The following PRADC1 variants were observed in gnomAD, a reference collection of about 807,000 sequenced individuals.
PRADC1 encodes the protein protease-associated domain-containing protein 1.
A neutral mutation model predicts 22.9 loss-of-function variants in PRADC1; 23 were observed. The ratio of observed to expected loss-of-function variants is 1.00; its 90% CI spans 0.72 to 1.42. The LOEUF (loss-of-function observed/expected upper bound fraction) is 1.42. Among genes scored for constraint, PRADC1 ranks in the 40% most tolerant of loss-of-function variants. The pLI is 0.00. For synonymous variants in PRADC1, 71 were observed against 100.3 expected (o/e 0.71, Z 1.75); for missense variants, 207 against 258.3 (o/e 0.80, Z 1.36).
intron 1 of PRADC1, 21 bp downstream of exon 1, chr2:73,233,073 G>C: frequency 1.3e-6 from 2 of 1,535,686 alleles, no homozygotes; most frequent in African/African-American, 2.8e-5. Flanking sequence ...CTGCAACGCA[G>C]TCCCACCCGT....
At chr2:73,229,440 T>C (rs1168653775) in intron 3 of PRADC1, 21 bp downstream of exon 3, 1 of 1,536,962 alleles carries the variant, frequency 6.5e-7, no homozygotes, top group East Asian at 2.2e-5. Flanking sequence ...ACTCCTCGTG[T>C]CCTGCCTGCC....
chr2:73,229,457 T>TCGTGTCCTGCCTGCCCACTCCC lies in PRADC1; in HGVS notation c.278+3_278+4insGGGAGTGGGCAGGCAGGACACG. On this transcript the variant is annotated splice_donor_region_variant and intron_variant, in intron 3 of 4. Coordinates refer to ENST00000258083, the MANE Select transcript of PRADC1 (RefSeq NM_032319.3). Reference sequence around the variant, plus strand: ...TCCTCGTGTCCTGCCTGCCCACTCCTTACCCCCTCTCCACCAGAGCAATCT... The same window carrying TCGTGTCCTGCCTGCCCACTCCC: ...TCCTCGTGTCCTGCCTGCCCACTCCTCGTGTCCTGCCTGCCCACTCCCTACCCCCTCTCCACCAGAGCAATCT... 6.2e-7 allele frequency: 1 copy of TCGTGTCCTGCCTGCCCACTCCC among 1,608,454 alleles called. No homozygotes were observed. Among genetic ancestry groups the TCGTGTCCTGCCTGCCCACTCCC allele is most frequent in the Non-Finnish European group, 8.5e-7 (1 of 1,174,824 alleles).
At position 73,233,157 on chromosome 2, in the gene PRADC1, C is replaced by T. The variant is rs754055249; in HGVS notation, c.4G>A (p.Val2Ile). 2.1e-6 allele frequency: 3 copies of T among 1,416,418 alleles called. No homozygotes were observed. Among genetic ancestry groups the T allele is most frequent in the Admixed American group, 3.0e-5 (1 of 33,034 alleles). 87.7% of individuals were successfully genotyped at this position (1,416,418 alleles called of 1,614,324 possible). A position where few individuals can be genotyped will look rare whatever the true frequency, so the allele number is the denominator to read the frequency against. Residue 2 changes from valine to isoleucine, a missense_variant, in exon 1 of 5, where the codon GTC becomes ATC. Val to Ile is a conservative substitution (Grantham distance 29). Coordinates refer to ENST00000258083, the MANE Select transcript of PRADC1 (RefSeq NM_032319.3). M[V>I]PGAAGWCCLV... Reference sequence around the variant, plus strand: ...CAACACCAGCCCGCGGCGCCGGGGACCATCTCCAGGGCCGGGCCCGGCCCG... The same window carrying T: ...CAACACCAGCCCGCGGCGCCGGGGATCATCTCCAGGGCCGGGCCCGGCCCG...
At chr2:73,230,431 C>T (rs145876696) in intron 1 of PRADC1, among the ~76,000 whole-genome samples, 36 of 152,356 alleles carry the variant, frequency 2.4e-4, no homozygotes, top group African/African-American at 7.7e-4. Context: ...AGGCTTATAT[C>T]AGCTGCTGCT....
At chr2:73,229,215 G>A (rs1305728848) in intron 3 of PRADC1, among the ~76,000 whole-genome samples, 3 of 151,818 alleles carry the variant, frequency 2.0e-5, no homozygotes, top group Non-Finnish European at 2.9e-5. Context: ...CTTAACATGC[G>A]GTCAAGCAAT....
chr2:73,228,719 G>C lies in PRADC1; in HGVS notation c.446+76C>G. 6 of 1,583,590 alleles carry C rather than the reference G, an allele frequency of 3.8e-6. No homozygotes were observed. The highest frequency in any genetic ancestry group is 5.2e-6 in the Non-Finnish European group (6 of 1,161,152). On this transcript the variant is annotated intron_variant, in intron 4 of 4. Coordinates refer to ENST00000258083, the MANE Select transcript of PRADC1 (RefSeq NM_032319.3). This position sits in a 1 kb window ranked among gnomAD's most constrained non-coding sequence, Gnocchi z 4.0. ...CACCCCAAGTTGAGGCCTGCAAGAAGGGACTGGTGATTACCCCTGACCCAG... is the reference window on the plus strand; with the variant it reads ...CACCCCAAGTTGAGGCCTGCAAGAACGGACTGGTGATTACCCCTGACCCAG...
intron 3 of PRADC1, among the ~76,000 whole-genome samples, chr2:73,229,226 C>T (rs1344444781): frequency 6.6e-6 from 1 of 151,914 alleles, no homozygotes; most frequent in Non-Finnish European, 1.5e-5. Context: ...GTCAAGCAAT[C>T]CTCTCACCTC....
rs372735639 is a variant in PRADC1 at position 73,228,415 on chromosome 2, C to T, written c.*39G>A. The T allele has an allele frequency of 6.5e-5, 104 of 1,612,158 alleles. No homozygotes were observed. Among genetic ancestry groups the T allele is most frequent in the Middle Eastern group, 1.9e-4 (1 of 5,244 alleles). ...AAATTCCTGGGTTTCCCCTTCCCAG[C>T]TCAGAGTCACTTATGGCTGGAATGT... is the stretch of plus-strand genomic sequence containing the variant. On this transcript the variant is annotated 3_prime_UTR_variant, in exon 5 of 5. Coordinates refer to ENST00000258083, the MANE Select transcript of PRADC1 (RefSeq NM_032319.3). The surrounding 1 kb of genome is among the most constrained non-coding windows in gnomAD (Gnocchi z 4.0).
chr2:73,230,457 A>T (rs1483393313), intron 1 of PRADC1, among the ~76,000 whole-genome samples: 1 of 152,256 alleles, frequency 6.6e-6, no homozygotes, highest in East Asian at 1.9e-4. Context: ...TTACGCAGTA[A>T]GCCAGGAAAA....
At position 73,233,147 on chromosome 2, in the gene PRADC1, G is replaced by A. The variant is rs1353223773; in HGVS notation, c.14C>T (p.Ala5Val). MVPG[A>V]AGWCCLVLWL... is the part of the protein sequence containing the mutation. ...GAGCACGAGACAACACCAGCCCGCG[G>A]CGCCGGGGACCATCTCCAGGGCCGG... Residue 5 changes from alanine to valine, a missense_variant, in exon 1 of 5, where the codon GCC (alanine) becomes GTC (valine). By Grantham distance (64) the Ala-to-Val change is moderately conservative. Transcript: ENST00000258083. The A allele has an allele frequency of 2.0e-6, 3 of 1,467,116 alleles. No individual in the cohort carries two copies. Among genetic ancestry groups the A allele is most frequent in the South Asian group, 1.3e-5 (1 of 75,574 alleles). The allele number at this position is 1,467,116 out of a possible 1,614,324, so 90.9% of individuals were successfully genotyped here.
chr2:73,229,415 G>T, intron 3 of PRADC1, 46 bp downstream of exon 3: 1 of 1,283,356 alleles, frequency 7.8e-7, no homozygotes, highest in Non-Finnish European at 1.1e-6. Flanking sequence ...CTCAGAATCT[G>T]CCGTATGCCT....
At position 73,228,415 on chromosome 2, in the gene PRADC1, C is replaced by G. The variant is rs372735639; in HGVS notation, c.*39G>C. 1 of 1,612,278 alleles carries G rather than the reference C, an allele frequency of 6.2e-7. No homozygotes were observed. Among genetic ancestry groups the G allele is most frequent in the Non-Finnish European group, 8.5e-7 (1 of 1,179,594 alleles). On this transcript the variant is annotated 3_prime_UTR_variant, in exon 5 of 5. Transcript: ENST00000258083. This position sits in a 1 kb window ranked among gnomAD's most constrained non-coding sequence, Gnocchi z 4.0. ...AAATTCCTGGGTTTCCCCTTCCCAGCTCAGAGTCACTTATGGCTGGAATGT... is the reference window on the plus strand; with the variant it reads ...AAATTCCTGGGTTTCCCCTTCCCAGGTCAGAGTCACTTATGGCTGGAATGT...
At chr2:73,229,911 T>G (rs1283554086) in intron 2 of PRADC1, 5 of 591,812 alleles carry the variant, frequency 8.4e-6, no homozygotes, top group Non-Finnish European at 1.5e-5. Context: ...AGACAACTTG[T>G]CCCTCCATGG....
At position 73,228,598 on chromosome 2, in the gene PRADC1, G is replaced by C. The variant is rs1423748844; in HGVS notation, c.447-24C>G. On this transcript the variant is annotated intron_variant, in intron 4 of 4. Transcript: ENST00000258083. The surrounding 1 kb of genome is among the most constrained non-coding windows in gnomAD (Gnocchi z 4.0). Reference sequence around the variant, plus strand: ...AGCTGGGAGGGCATGAAGAGAGGTGGTGACGGTCACTTTCTTGGTACCCCA... The same window carrying C: ...AGCTGGGAGGGCATGAAGAGAGGTGCTGACGGTCACTTTCTTGGTACCCCA... 2.5e-6 allele frequency: 4 copies of C among 1,613,758 alleles called. No individual in the cohort carries two copies. The highest frequency in any genetic ancestry group is 3.4e-6 in the Non-Finnish European group (4 of 1,180,000).
chr2:73,229,463 C>G lies in PRADC1; in HGVS notation c.276G>C (p.Arg92Ser), dbSNP rs146297363. ...FIQDQIALVE[R>S]GGCSFLSKTR... is the part of the protein sequence containing the mutation. ...TGTCCTGCCTGCCCACTCCTTACCC[C>G]CTCTCCACCAGAGCAATCTGGTCCT... Residue 92 changes from arginine to serine, a missense_variant and splice_region_variant, in exon 3 of 5, where the codon AGG becomes AGC. Transcript: ENST00000258083. The G allele has an allele frequency of 4.7e-5, 76 of 1,611,544 alleles. No homozygotes were observed. The East Asian group carries it at 1.5e-3, about 31-fold the overall frequency.
In PRADC1 at chr2:73,229,468, C is replaced by G; in HGVS notation, c.271G>C (p.Glu91Gln). Residue 91 changes from glutamate to glutamine, a missense_variant, in exon 3 of 5, where the codon GAG (glutamate) becomes CAG (glutamine). Coordinates refer to ENST00000258083, the MANE Select transcript of PRADC1 (RefSeq NM_032319.3). The stretch of plus-strand genomic sequence containing the variant: ...TGCCTGCCCACTCCTTACCCCCTCT[C>G]CACCAGAGCAATCTGGTCCTGGATG... ...FFIQDQIALV[E>Q]RGGCSFLSKT... 6.2e-7 allele frequency: 1 copy of G among 1,611,814 alleles called. No homozygotes were observed. Among genetic ancestry groups the G allele is most frequent in the Non-Finnish European group, 8.5e-7 (1 of 1,177,864 alleles).
chr2:73,230,745 C>G (rs1328713424), intron 1 of PRADC1, among the ~76,000 whole-genome samples: 1 of 152,242 alleles, frequency 6.6e-6, no homozygotes, highest in African/African-American at 2.4e-5. Flanking sequence ...GTTTCAATAA[C>G]TGCCCTTTGC....
intron 1 of PRADC1, 136 bp downstream of exon 1, chr2:73,232,958 C>T (rs1295581019): frequency 4.9e-6 from 5 of 1,013,180 alleles, no homozygotes; most frequent in South Asian, 3.4e-5. Flanking sequence ...CCACTTATTC[C>T]GGCCGCCCGC....
chr2:73,228,284 G>T lies in PRADC1; in HGVS notation c.*170C>A. On this transcript the variant is annotated 3_prime_UTR_variant, in exon 5 of 5. Transcript: ENST00000258083. This position sits in a 1 kb window ranked among gnomAD's most constrained non-coding sequence, Gnocchi z 4.0. ...GACACCCTTGGGGGCCCTGGGGAAG[G>T]GAAGGCCAGTGGTGTGGCTTCCCTT... 2 of 774,268 alleles carry T rather than the reference G, an allele frequency of 2.6e-6. No homozygotes were observed. Among genetic ancestry groups the T allele is most frequent in the Non-Finnish European group, 4.1e-6 (2 of 487,072 alleles). 48.0% of individuals were successfully genotyped at this position (774,268 alleles called of 1,614,324 possible).
Sources: gnomAD v4.1 joint callset for allele counts (sites outside exome capture counted in the v4.1 genomes callset) on GRCh38, gnomAD v4.1.1 for gene constraint, Gnocchi (gnomAD v3.1) non-coding constraint, MANE v1.5 for transcripts, NCBI Gene and HGNC (gene_info 2026-07-23, HGNC 2026-07-21) for gene names.